PDE1A: variants seen among roughly 807,000 people sequenced by gnomAD.
PDE1A encodes the protein phosphodiesterase 1A.
Under a neutral mutation model 61.7 loss-of-function variants are expected in PDE1A, and 35 were observed. That is an observed-to-expected ratio of 0.57 (90% CI 0.43 to 0.75). PDE1A has a LOEUF of 0.75. PDE1A is among the 30% of genes least tolerant of loss of function. The probability of loss-of-function intolerance (pLI) is 0.00; values close to 1 mark genes in which losing one functional copy is unlikely to be tolerated. For missense variants in PDE1A, 597 were observed against 630.6 expected (o/e 0.95, Z 0.57); for synonymous variants, 232 against 213.2 (o/e 1.09, Z -0.77).
At chr2:182,664,459 C>T in the PDE1A span, among the ~76,000 whole-genome samples, 1 of 152,230 alleles carries the variant, frequency 6.6e-6, no homozygotes, top group Admixed American at 6.5e-5. Flanking sequence ...AATAGGAAAG[C>T]CTCACAGTGG....
At chr2:182,655,598 C>T in the PDE1A span, among the ~76,000 whole-genome samples, 2 of 152,174 alleles carry the variant, frequency 1.3e-5, no homozygotes, top group African/African-American at 4.8e-5. Flanking sequence ...TATTTCTAGC[C>T]TCTAGACAAT....
the PDE1A span, among the ~76,000 whole-genome samples, chr2:182,553,629 C>T: frequency 1.2e-4 from 18 of 152,264 alleles, no homozygotes; most frequent in African/African-American, 2.4e-4. Context: ...GGTGTTAAAA[C>T]GAAAATATGT....
At chr2:182,497,421 G>A (rs1440047021) in intron 2 of PDE1A, among the ~76,000 whole-genome samples, 1 of 152,160 alleles carries the variant, frequency 6.6e-6, no homozygotes, top group African/African-American at 2.4e-5. Context: ...TGGGGTTTTG[G>A]CTATGTAAAG....
chr2:182,322,716 T>C (rs1167542709), intron 1 of PDE1A, among the ~76,000 whole-genome samples: 2 of 152,204 alleles, frequency 1.3e-5, no homozygotes, highest in Admixed American at 1.3e-4. Context: ...TTGATGGGCT[T>C]TTTACTTAAG....
chr2:182,492,509 G>C (rs1688454010), intron 2 of PDE1A, among the ~76,000 whole-genome samples: 1 of 152,100 alleles, frequency 6.6e-6, no homozygotes, highest in Non-Finnish European at 1.5e-5. Context: ...TTTAGTAATA[G>C]CAAGATTCTA....
chr2:182,242,123 C>T, intron 2 of PDE1A: 1 of 1,219,672 alleles, frequency 8.2e-7, no homozygotes. Flanking sequence ...GTTTTGTCAG[C>T]TAATCTCCTT....
At chr2:182,142,055 T>C (rs1476899893), downstream of PDE1A, 2 of 152,000 alleles carry the variant, frequency 1.3e-5, no homozygotes, top group African/African-American at 4.8e-5. Flanking sequence ...TAGTAAAATA[T>C]AAAAGTCACA....
At chr2:182,515,105 C>G (rs1382795238) in intron 2 of PDE1A, among the ~76,000 whole-genome samples, 1 of 152,188 alleles carries the variant, frequency 6.6e-6, no homozygotes, top group East Asian at 1.9e-4. Flanking sequence ...TCCTCTCACC[C>G]TAGCATCTTA....
chr2:182,219,835 T>A (rs1022933001), intron 7 of PDE1A, among the ~76,000 whole-genome samples: 5 of 152,130 alleles, frequency 3.3e-5, no homozygotes, highest in African/African-American at 9.7e-5. Flanking sequence ...AGATGATGGA[T>A]ATATTAATTT....
the PDE1A span, among the ~76,000 whole-genome samples, chr2:182,711,680 C>T: frequency 6.6e-6 from 1 of 152,088 alleles, no homozygotes; most frequent in African/African-American, 2.4e-5. Context: ...GGATGAGCCT[C>T]GAACATCTTA....
chr2:182,327,435 A>G (rs1330663576), intron 1 of PDE1A, among the ~76,000 whole-genome samples: 1 of 152,182 alleles, frequency 6.6e-6, no homozygotes, highest in African/African-American at 2.4e-5. Context: ...TTCAGGGAAA[A>G]GTAAAGAGGT....
At chr2:182,644,757 T>C in the PDE1A span, among the ~76,000 whole-genome samples, 1 of 152,150 alleles carries the variant, frequency 6.6e-6, no homozygotes, top group Non-Finnish European at 1.5e-5. Context: ...GCAGAATGAC[T>C]AGCACATGGT....
intron 3 of PDE1A, among the ~76,000 whole-genome samples, chr2:182,239,130 T>C (rs1214090808): frequency 1.3e-5 from 2 of 152,190 alleles, no homozygotes; most frequent in Non-Finnish European, 2.9e-5. Context: ...ATTTACACTT[T>C]TAGAAATTCA....
intron 1 of PDE1A, among the ~76,000 whole-genome samples, chr2:182,316,893 G>C (rs1222418914): frequency 6.6e-6 from 1 of 152,150 alleles, no homozygotes; most frequent in East Asian, 1.9e-4. Context: ...AATTGCTGTA[G>C]GATTGACACA....
At chr2:182,407,016 A>C (rs1318620257) in intron 1 of PDE1A, among the ~76,000 whole-genome samples, 1 of 152,130 alleles carries the variant, frequency 6.6e-6, no homozygotes, top group Non-Finnish European at 1.5e-5. Context: ...GAGATTTATC[A>C]ATCTATTTTC....
the PDE1A span, among the ~76,000 whole-genome samples, chr2:182,674,575 C>CAT: frequency 2.0e-5 from 3 of 149,354 alleles, no homozygotes; most frequent in African/African-American, 7.4e-5. Context: ...TTCACAGATA[C>CAT]ATATATATAT....
the PDE1A span, among the ~76,000 whole-genome samples, chr2:182,538,085 C>G: frequency 6.6e-6 from 1 of 152,170 alleles, no homozygotes; most frequent in Non-Finnish European, 1.5e-5. Context: ...ATACAAAACT[C>G]TTTCCGGAGT....
the PDE1A span, among the ~76,000 whole-genome samples, chr2:182,640,027 T>G: frequency 6.6e-6 from 1 of 152,244 alleles, no homozygotes; most frequent in East Asian, 1.9e-4. Context: ...AAATAATTTC[T>G]TGGGGAAAAT....
intron 1 of PDE1A, among the ~76,000 whole-genome samples, chr2:182,266,764 T>TA (rs2125799496): frequency 6.6e-6 from 1 of 152,236 alleles, no homozygotes; most frequent in South Asian, 2.1e-4. Context: ...CTGTCTGGAA[T>TA]GCAGCGGAAC....
Sources: gnomAD v4.1 joint callset for allele counts (sites outside exome capture counted in the v4.1 genomes callset) on GRCh38, gnomAD v4.1.1 for gene constraint, MANE v1.5 for transcripts, NCBI Gene and HGNC (gene_info 2026-07-23, HGNC 2026-07-21) for gene names.